Variants in MICU1 observed in about 807,000 individuals in gnomAD.
The protein encoded by MICU1 is calcium uptake protein 1, mitochondrial.
Under a neutral mutation model 56.8 loss-of-function variants are expected in MICU1, and 45 were observed. The ratio of observed to expected loss-of-function variants is 0.79; its 90% confidence interval spans 0.62 to 1.02. The LOEUF (loss-of-function observed/expected upper bound fraction) is 1.02. Ranked by LOEUF, MICU1 falls within the 50% of genes least tolerant of loss-of-function variation. The probability of loss-of-function intolerance (pLI) is 0.00; values close to 1 mark genes in which losing one functional copy is unlikely to be tolerated. For synonymous variants in MICU1, 186 were observed against 195.1 expected (o/e 0.95, Z 0.39); for missense variants, 504 against 587.1 (o/e 0.86, Z 1.46).
chr10:72,427,730 T>TAA (rs1491453188), intron 8 of MICU1, among the ~76,000 whole-genome samples: 1 of 117,714 alleles, frequency 8.5e-6, no homozygotes, highest in Admixed American at 9.5e-5. Context: ...ACCCCATCTC[T>TAA]AAAATATATA....
chr10:72,386,748 G>T (rs1406473314), intron 10 of MICU1, among the ~76,000 whole-genome samples: 1 of 151,548 alleles, frequency 6.6e-6, no homozygotes, highest in Non-Finnish European at 1.5e-5. Flanking sequence ...TTTTTGTAGA[G>T]ACAGAGTCCC....
At chr10:72,541,941 A>C (rs1412120584) in intron 4 of MICU1, among the ~76,000 whole-genome samples, 1 of 152,204 alleles carries the variant, frequency 6.6e-6, no homozygotes, top group Non-Finnish European at 1.5e-5. Flanking sequence ...TAATATCCAC[A>C]ACTTATAGCA....
At chr10:72,482,295 A>C (rs1318277916) in intron 6 of MICU1, among the ~76,000 whole-genome samples, 1 of 152,232 alleles carries the variant, frequency 6.6e-6, no homozygotes, top group African/African-American at 2.4e-5. Flanking sequence ...GAATGATGAA[A>C]AAATGAATAG....
Position 72,374,516 on chromosome 10 carries a change from G to C in MICU1, c.1270+1267C>G, listed in dbSNP as rs553135236. 1.3e-5 allele frequency among the ~76,000 whole-genome samples: 2 copies of C among 152,262 alleles called. 1 individual carries two copies. Among genetic ancestry groups the C allele is most frequent in the South Asian group, 4.1e-4 (2 of 4,828 alleles). Reference sequence around the variant, plus strand: ...CTATTATGTGAGAAGTACTATCCAAGGTCCTATGGGGGGTAGGAAGGTGAA... The same window carrying C: ...CTATTATGTGAGAAGTACTATCCAACGTCCTATGGGGGGTAGGAAGGTGAA... On this transcript the variant is annotated intron_variant, in intron 11 of 11. Transcript: ENST00000361114.
intron 8 of MICU1, among the ~76,000 whole-genome samples, chr10:72,466,635 A>G (rs1865801884): frequency 1.3e-5 from 2 of 152,212 alleles, no homozygotes; most frequent in African/African-American, 4.8e-5. Context: ...ACACTTCCCC[A>G]GAGAACAAAA....
intron 5 of MICU1, among the ~76,000 whole-genome samples, chr10:72,514,518 C>T (rs1039778744): frequency 2.0e-5 from 3 of 152,112 alleles, no homozygotes; most frequent in African/African-American, 4.8e-5. Context: ...TGTTTAATGA[C>T]TTTATTAAAC....
chr10:72,562,328 A>G (rs1347044124), intron 3 of MICU1, among the ~76,000 whole-genome samples: 1 of 151,562 alleles, frequency 6.6e-6, no homozygotes, highest in Non-Finnish European at 1.5e-5. Context: ...TAGTTTTTGT[A>G]TTTTTAGTAG....
chr10:72,525,184 TG>T (rs368087872), intron 5 of MICU1, among the ~76,000 whole-genome samples: 85,035 of 151,438 alleles, frequency 0.56, 25,204 homozygotes, highest in Non-Finnish European at 0.67. Context: ...TCCTGAAGGC[TG>T]GCATTTGGAC....
At chr10:72,527,255 T>C (rs550883393) in intron 5 of MICU1, among the ~76,000 whole-genome samples, 68 of 152,296 alleles carry the variant, frequency 4.5e-4, no homozygotes, top group African/African-American at 1.6e-3. Flanking sequence ...TACAGACAAC[T>C]GGATTAGACA....
Position 72,423,312 on chromosome 10 carries a change from T to A in MICU1, c.993A>T (p.Leu331=). Residue 331 remains leucine (L), a synonymous_variant, in exon 9 of 12, where the codon CTA becomes CTT. Coordinates refer to ENST00000361114, the MANE Select transcript of MICU1 (RefSeq NM_001195518.2). Reference sequence around the variant, plus strand: ...TGGACTGCACCCCACTGTAGGCAAGTAGCATGCCACCAAACTGCCTCTCAG... The same window carrying A: ...TGGACTGCACCCCACTGTAGGCAAGAAGCATGCCACCAAACTGCCTCTCAG... The part of the protein sequence containing the change: ...RITERQFGGM[L]LAYSGVQSKK... The A allele has an allele frequency of 1.2e-6, 2 of 1,613,994 alleles. No individual in the cohort carries two copies. The highest frequency in any genetic ancestry group is 1.7e-6 in the Non-Finnish European group (2 of 1,179,864).
chr10:72,387,946 A>G (rs2132060233), intron 10 of MICU1, among the ~76,000 whole-genome samples: 1 of 152,286 alleles, frequency 6.6e-6, no homozygotes, highest in Non-Finnish European at 1.5e-5. Context: ...CTAGTATATT[A>G]ATATAGTATT....
intron 1 of MICU1, among the ~76,000 whole-genome samples, chr10:72,567,319 C>CA (rs1180372886): frequency 4.6e-5 from 7 of 151,354 alleles, no homozygotes; most frequent in Non-Finnish European, 7.4e-5. Context: ...GATGCTGTCT[C>CA]AAAAAAATGA....
rs917115108 is a variant in MICU1 at position 72,536,989 on chromosome 10, C to A, written c.494-3200G>T. 2.6e-5 allele frequency among the ~76,000 whole-genome samples: 4 copies of A among 152,002 alleles called. No homozygotes were observed. In the East Asian group the frequency reaches 7.7e-4, roughly 29 times the overall value. ...ATTTTAAAGGTGGTTACTTCTGTGA[C>A]ATGAACTGTGAAGATGGAGAAGATG... On this transcript the variant is annotated intron_variant, in intron 4 of 11. Coordinates refer to ENST00000361114, the MANE Select transcript of MICU1 (RefSeq NM_001195518.2).
intron 1 of MICU1, among the ~76,000 whole-genome samples, chr10:72,593,080 C>G (rs943793009): frequency 1.1e-4 from 17 of 151,928 alleles, no homozygotes; most frequent in African/African-American, 3.9e-4. Context: ...GACACCATGC[C>G]CACCCAATTC....
intron 1 of MICU1, among the ~76,000 whole-genome samples, chr10:72,594,772 C>CA (rs1841324447): frequency 6.6e-6 from 1 of 151,600 alleles, no homozygotes; most frequent in Non-Finnish European, 1.5e-5. Context: ...ATTAGCTGGA[C>CA]ATGATGGTGC....
chr10:72,556,970 C>G (rs1564933190), intron 3 of MICU1, among the ~76,000 whole-genome samples: 1 of 151,664 alleles, frequency 6.6e-6, no homozygotes, highest in Admixed American at 6.6e-5. Context: ...GTGGCTGAGG[C>G]AGGGAGAATC....
At chr10:72,477,336 C>A in intron 6 of MICU1, 80 bp from the exon 7 acceptor site, 1 of 1,241,062 alleles carries the variant, frequency 8.1e-7, no homozygotes, top group Non-Finnish European at 1.1e-6. Context: ...AAAGGCTAAA[C>A]ACTAAAATGT....
In MICU1 at chr10:72,466,062, C is replaced by T. The variant is rs187111660; in HGVS notation, c.933+9038G>A. On this transcript the variant is annotated intron_variant, in intron 8 of 11. Coordinates refer to ENST00000361114, the MANE Select transcript of MICU1 (RefSeq NM_001195518.2). The stretch of plus-strand genomic sequence containing the variant: ...CAACCTTTTAGGAAGTACTTTACAG[C>T]TTCTCTCTGGCACATCTACATTACC... Among the ~76,000 whole-genome samples the T allele has an allele frequency of 4.6e-5, 7 of 152,236 alleles. No homozygotes were observed. In the East Asian group the frequency reaches 1.4e-3, roughly 29 times the overall value.
At chr10:72,573,543 T>A (rs983984039) in intron 1 of MICU1, among the ~76,000 whole-genome samples, 27 of 152,230 alleles carry the variant, frequency 1.8e-4, no homozygotes, top group South Asian at 8.3e-4. Context: ...TATTTATCCA[T>A]GCAAACAAAT....
Sources: gnomAD v4.1 joint callset for allele counts (sites outside exome capture counted in the v4.1 genomes callset) on GRCh38, gnomAD v4.1.1 for gene constraint, MANE v1.5 for transcripts, NCBI Gene and HGNC (gene_info 2026-07-23, HGNC 2026-07-21) for gene names.